Variants in RNF144A observed in about 807,000 individuals in gnomAD.
The protein encoded by RNF144A is E3 ubiquitin-protein ligase RNF144A.
In RNF144A, 11 loss-of-function variants were observed where a neutral mutation model predicts 38.7. The observed-to-expected ratio is 0.28, with a 90% CI of 0.18 to 0.47. RNF144A has a LOEUF of 0.47. RNF144A is among the 20% of genes least tolerant of loss of function. The pLI is 0.99. For synonymous variants in RNF144A, 149 were observed against 143.9 expected, an observed-to-expected ratio of 1.04 and a Z score of -0.25; for missense variants, 316 against 377.2, an observed-to-expected ratio of 0.84 and a Z score of 1.34.
intron 3 of RNF144A, among the ~76,000 whole-genome samples, chr2:7,012,075 C>T (rs74322266): frequency 0.023 from 3,539 of 152,218 alleles, 129 homozygotes; most frequent in African/African-American, 0.081. Context: ...TATACTGATC[C>T]GCACAATATC....
At chr2:6,937,762 G>T (rs896723235) in intron 1 of RNF144A, among the ~76,000 whole-genome samples, 2 of 152,178 alleles carry the variant, frequency 1.3e-5, no homozygotes, top group Non-Finnish European at 2.9e-5. Flanking sequence ...TTGGAGGCTG[G>T]GTCAGGGCTC....
rs375243531 is a variant in RNF144A at position 7,020,765 on chromosome 2, C to T, written c.509+85C>T. On this transcript the variant is annotated intron_variant, in intron 6 of 8. Coordinates refer to ENST00000320892, the MANE Select transcript of RNF144A (RefSeq NM_014746.6). ...TGCTTTCTTCCTAAAAGTGCTGTTA[C>T]AGTGTAAGTGGCTGTGGCTCAGTCA... is the stretch of plus-strand genomic sequence containing the variant. The T allele has an allele frequency of 6.7e-5, 85 of 1,266,664 alleles. No homozygotes were observed. In the Middle Eastern group the frequency reaches 1.1e-3, roughly 17 times the overall value. The allele number at this position is 1,266,664 out of a possible 1,614,324, so 78.5% of individuals were successfully genotyped here. A position where few individuals can be genotyped will look rare whatever the true frequency, so the allele number is the denominator to read the frequency against.
In RNF144A at chr2:7,024,447, A is replaced by G. The variant is rs376219; in HGVS notation, c.588A>G (p.Glu196=). 576,922 of 1,612,408 alleles carry G rather than the reference A, an allele frequency of 0.36. 106,714 individuals carry two copies. Among genetic ancestry groups the G allele is most frequent in the Middle Eastern group, 0.41 (2,492 of 6,058 alleles). The stretch of plus-strand genomic sequence containing the variant: ...GCAAAGTCTACATCGAGCGAGACGA[A>G]GGCTGCGCGCAGATGATGTGCAAGA... ...PKCKVYIERD[E]GCAQMMCKNC... Residue 196 remains glutamate (E), a synonymous_variant, in exon 7 of 9, where the codon GAA becomes GAG. Transcript: ENST00000320892.
chr2:6,987,931 C>T (rs1669061017), intron 2 of RNF144A, among the ~76,000 whole-genome samples: 1 of 152,120 alleles, frequency 6.6e-6, no homozygotes, highest in African/African-American at 2.4e-5. Flanking sequence ...TTATGGGCTC[C>T]TTGGGCCCTT....
chr2:7,056,225 A>G (rs754419311), intron 6 of RNF144A, among the ~76,000 whole-genome samples: 4 of 152,164 alleles, frequency 2.6e-5, no homozygotes, highest in Non-Finnish European at 5.9e-5. Flanking sequence ...CCTTTCTGAC[A>G]TGCTCACTGT....
At chr2:6,996,867 G>A (rs761468290) in intron 2 of RNF144A, 49 bp from the exon 3 acceptor site, 12 of 1,590,216 alleles carry the variant, frequency 7.5e-6, no homozygotes, top group Non-Finnish European at 1.0e-5. Flanking sequence ...CGGAGCAGGT[G>A]GATGCCAGGG....
chr2:6,922,735 C>T (rs539795523), intron 1 of RNF144A, among the ~76,000 whole-genome samples: 59 of 152,006 alleles, frequency 3.9e-4, no homozygotes, highest in East Asian at 7.8e-4. Context: ...CGCCATTCTC[C>T]TGCCTCAGCC....
At chr2:7,032,167 G>A (rs935287419) in intron 8 of RNF144A, among the ~76,000 whole-genome samples, 1 of 152,264 alleles carries the variant, frequency 6.6e-6, no homozygotes, top group East Asian at 1.9e-4. Context: ...CTCTTTGCAC[G>A]TGGCCCGGCA....
At chr2:7,023,895 A>G (rs944977812) in intron 6 of RNF144A, among the ~76,000 whole-genome samples, 3 of 152,248 alleles carry the variant, frequency 2.0e-5, no homozygotes, top group Non-Finnish European at 2.9e-5. Context: ...AGGTGGATCT[A>G]TCTCAAGTAA....
rs746725628 is a variant in RNF144A, at chr2:7,044,038, C to T, written c.*4278C>T. 4.1e-6 allele frequency: 4 copies of T among 985,752 alleles called. No homozygotes were observed. The highest frequency in any genetic ancestry group is 3.6e-6 in the Non-Finnish European group (3 of 829,874). The allele number at this position is 985,752 out of a possible 1,614,324, so 61.1% of individuals were successfully genotyped here. ...ATGCCTTTTAATGTTGTGTTTTGTACTCTGGAATCATATGGAAAAAGTTTG... is the reference window on the plus strand; with the variant it reads ...ATGCCTTTTAATGTTGTGTTTTGTATTCTGGAATCATATGGAAAAAGTTTG... On this transcript the variant is annotated 3_prime_UTR_variant, in exon 9 of 9. Transcript: ENST00000320892.
the RNF144A span, among the ~76,000 whole-genome samples, chr2:7,073,335 C>G: frequency 6.6e-6 from 1 of 152,122 alleles, no homozygotes; most frequent in East Asian, 1.9e-4. Flanking sequence ...TCTATCACTC[C>G]CCGGAATTGA....
chr2:7,035,211 A>G (rs1672587619), intron 8 of RNF144A, among the ~76,000 whole-genome samples: 1 of 151,860 alleles, frequency 6.6e-6, no homozygotes, highest in Non-Finnish European at 1.5e-5. Context: ...CCTCCCATCC[A>G]TTTTTAAGGC....
At position 6,943,334 on chromosome 2, in the gene RNF144A, C is replaced by G. The variant is rs1053440392; in HGVS notation, c.-12+2187C>G. Among the ~76,000 whole-genome samples, 3 of 152,246 alleles carry G rather than the reference C, an allele frequency of 2.0e-5. No individual in the cohort carries two copies. Among genetic ancestry groups the G allele is most frequent in the Non-Finnish European group, 2.9e-5 (2 of 68,020 alleles). Reference sequence around the variant, plus strand: ...ATGGAGAGGACTGAGAATGGAGGCTCGGATCAGTGCCAGGACCAGTGGTCC... The same window carrying G: ...ATGGAGAGGACTGAGAATGGAGGCTGGGATCAGTGCCAGGACCAGTGGTCC... On this transcript the variant is annotated intron_variant, in intron 2 of 8. Transcript: ENST00000320892. The surrounding 1 kb of genome is among the most constrained non-coding windows in gnomAD (Gnocchi z 4.3).
intron 6 of RNF144A, among the ~76,000 whole-genome samples, chr2:7,021,822 C>T (rs928681133): frequency 2.6e-5 from 4 of 152,236 alleles, no homozygotes; most frequent in African/African-American, 7.2e-5. Context: ...TTATACTTCA[C>T]GTGTACTTGG....
chr2:7,001,656 A>C (rs1670114268), intron 3 of RNF144A, among the ~76,000 whole-genome samples: 1 of 152,222 alleles, frequency 6.6e-6, no homozygotes, highest in Admixed American at 6.5e-5. Flanking sequence ...CAGCCTGGGC[A>C]GCAGAGCAAG....
intron 2 of RNF144A, among the ~76,000 whole-genome samples, chr2:6,977,077 C>T (rs1668360425): frequency 6.6e-6 from 1 of 152,322 alleles, no homozygotes; most frequent in East Asian, 1.9e-4. Context: ...ATAAATATTA[C>T]GCATTGCCTC....
At chr2:6,953,561 G>A (rs1373430500) in intron 2 of RNF144A, among the ~76,000 whole-genome samples, 1 of 152,100 alleles carries the variant, frequency 6.6e-6, no homozygotes, top group Non-Finnish European at 1.5e-5. Flanking sequence ...TTACTGATAA[G>A]TCTTTCAAAA....
At chr2:6,991,397 T>C (rs1288460169) in intron 2 of RNF144A, among the ~76,000 whole-genome samples, 1 of 152,186 alleles carries the variant, frequency 6.6e-6, no homozygotes, top group Non-Finnish European at 1.5e-5. Context: ...AAGATGTAGC[T>C]TTTCCCAGCC....
intron 5 of RNF144A, among the ~76,000 whole-genome samples, chr2:7,020,150 G>C (rs1273147264): frequency 1.3e-5 from 2 of 152,200 alleles, no homozygotes; most frequent in Non-Finnish European, 2.9e-5. Flanking sequence ...CCAGGATGTG[G>C]AGGCCTTTGA....
Sources: allele counts gnomAD v4.1 joint callset (sites outside exome capture counted in the v4.1 genomes callset), GRCh38; gene constraint gnomAD v4.1.1; non-coding constraint Gnocchi (gnomAD v3.1); transcripts MANE v1.5; gene names NCBI Gene and HGNC (gene_info 2026-07-23, HGNC 2026-07-21).